The following TXNRD3 variants were observed in gnomAD, a reference collection of about 807,000 sequenced individuals.
TXNRD3 encodes the protein thioredoxin reductase 3, also known as TXNRD3 neighbor gene protein.
TXNRD3 carries 68 observed loss-of-function variants against 78.2 expected under a neutral mutation model. That is an observed-to-expected ratio of 0.87 (90% CI 0.72 to 1.06). TXNRD3 has a LOEUF of 1.06. Among genes scored for constraint, TXNRD3 ranks in the 50% least tolerant of loss-of-function variants. TXNRD3 has a pLI of 0.00. For synonymous variants in TXNRD3, 296 were observed against 300.1 expected (o/e 0.99, Z 0.14); for missense variants, 751 against 809.5 (o/e 0.93, Z 0.88).
chr3:126,631,270 T>C (rs1412582344), intron 8 of TXNRD3, among the ~76,000 whole-genome samples: 3 of 152,112 alleles, frequency 2.0e-5, no homozygotes, highest in Non-Finnish European at 4.4e-5. Flanking sequence ...TGTGTGTTTG[T>C]TTACCTGAAC....
At chr3:126,651,930 A>T (rs1933400916) in intron 1 of TXNRD3, among the ~76,000 whole-genome samples, 1 of 152,342 alleles carries the variant, frequency 6.6e-6, no homozygotes, top group East Asian at 1.9e-4. Context: ...CAGATTTCTT[A>T]AAAAAGACAC....
At chr3:126,651,245 GAA>G (rs1381731103) in intron 1 of TXNRD3, among the ~76,000 whole-genome samples, 1 of 152,188 alleles carries the variant, frequency 6.6e-6, no homozygotes, top group Non-Finnish European at 1.5e-5. Context: ...AGTCAAGCAA[GAA>G]AAACACTTGG....
chr3:126,644,381 T>C lies in TXNRD3; in HGVS notation c.435A>G (p.Leu145=), dbSNP rs1933180329. 3.9e-6 allele frequency: 6 copies of C among 1,535,966 alleles called. No individual in the cohort carries two copies. The highest frequency in any genetic ancestry group is 1.4e-5 in the African/African-American group (1 of 73,040). Residue 145 remains leucine (L), a synonymous_variant, in exon 4 of 16, where the codon TTA becomes TTG. Coordinates refer to ENST00000524230, the MANE Select transcript of TXNRD3 (RefSeq NM_052883.3). ...CCAAATCTTCCTGAAGGAGCTTCTG[T>C]AACAAACCACTCTGATATGCCTATG... is the stretch of plus-strand genomic sequence containing the variant.
intron 5 of TXNRD3, 21 bp downstream of exon 5, chr3:126,643,960 C>A (rs373607888): frequency 1.3e-5 from 20 of 1,532,134 alleles, no homozygotes; most frequent in Non-Finnish European, 1.7e-5. Context: ...CAGAGAGGAA[C>A]AACAGAGAAA....
At chr3:126,653,615 T>C (rs985205495) in intron 1 of TXNRD3, among the ~76,000 whole-genome samples, 1 of 152,232 alleles carries the variant, frequency 6.6e-6, no homozygotes, top group Non-Finnish European at 1.5e-5. Context: ...TAAATTGGTA[T>C]CACTACTTGG....
chr3:126,628,332 C>CATTTA (rs1337027889), intron 10 of TXNRD3, among the ~76,000 whole-genome samples: 1 of 151,840 alleles, frequency 6.6e-6, no homozygotes, highest in Non-Finnish European at 1.5e-5. Flanking sequence ...ACTGGAGGTC[C>CATTTA]TAACTAATGC....
chr3:126,628,723 T>C (rs1042507697), intron 10 of TXNRD3, among the ~76,000 whole-genome samples: 3 of 152,244 alleles, frequency 2.0e-5, no homozygotes, highest in Admixed American at 2.0e-4. Context: ...AGACTGAATA[T>C]TGCAAAGAAG....
intron 12 of TXNRD3, among the ~76,000 whole-genome samples, chr3:126,617,526 C>T (rs566719305): frequency 4.5e-4 from 68 of 152,318 alleles, no homozygotes; most frequent in African/African-American, 1.6e-3. Context: ...CAGAACATGG[C>T]ATTCCTCATG....
chr3:126,631,015 T>C (rs1415344648), intron 8 of TXNRD3, 78 bp from the exon 9 acceptor site: 1 of 1,335,646 alleles, frequency 7.5e-7, no homozygotes, highest in African/African-American at 1.5e-5. Flanking sequence ...TGTATAATGG[T>C]CTTGTGATGA....
intron 5 of TXNRD3, 102 bp downstream of exon 5, chr3:126,643,879 C>A (rs999262253): frequency 6.3e-6 from 7 of 1,116,784 alleles, no homozygotes; most frequent in African/African-American, 3.2e-5. Context: ...AAGAAACAGG[C>A]GAGTTATACC....
chr3:126,630,768 C>G lies in TXNRD3; in HGVS notation c.1141G>C (p.Gly381Arg), dbSNP rs1198882834. The G allele has an allele frequency of 5.2e-6, 8 of 1,534,402 alleles. No homozygotes were observed. Among genetic ancestry groups the G allele is most frequent in the Non-Finnish European group, 6.1e-6 (7 of 1,146,862 alleles). Reference sequence around the variant, plus strand: ...ACACCATGCTGCTCCATGTAGGAACCCACTTTTTCTGCCATTTCTTGGTCG... The same window carrying G: ...ACACCATGCTGCTCCATGTAGGAACGCACTTTTTCTGCCATTTCTTGGTCG... Residue 381 changes from glycine to arginine, a missense_variant, in exon 9 of 16, where the codon GGT (glycine) becomes CGT (arginine). By Grantham distance (125) the Gly-to-Arg change is moderately radical. Coordinates refer to ENST00000524230, the MANE Select transcript of TXNRD3 (RefSeq NM_052883.3).
intron 8 of TXNRD3, 92 bp downstream of exon 8, chr3:126,631,672 C>A: frequency 1.3e-6 from 1 of 781,834 alleles, no homozygotes; most frequent in East Asian, 2.7e-5. Flanking sequence ...TAATTCAAAT[C>A]TTTTGTGGAA....
intron 12 of TXNRD3, among the ~76,000 whole-genome samples, chr3:126,617,228 C>G (rs1437880089): frequency 6.6e-6 from 1 of 152,136 alleles, no homozygotes; most frequent in African/African-American, 2.4e-5. Context: ...CCGTCTTGAG[C>G]CTTTCATCTC....
At chr3:126,623,869 A>AAAAAAAAAAAAAAAAAAAAAT (rs1559773214) in intron 10 of TXNRD3, among the ~76,000 whole-genome samples, 1 of 151,452 alleles carries the variant, frequency 6.6e-6, no homozygotes, top group Non-Finnish European at 1.5e-5. Context: ...AAAAAAAAAA[A>AAAAAAAAAAAAAAAAAAAAAT]AGATTAAAAG....
chr3:126,607,662 G>A lies in TXNRD3; in HGVS notation c.*243C>T, dbSNP rs150970197. The A allele has an allele frequency of 2.7e-3, 915 of 337,782 alleles. 7 individuals are homozygous for A. Among genetic ancestry groups the A allele is most frequent in the African/African-American group, 0.013 (633 of 47,298 alleles). The allele number at this position is 337,782 out of a possible 1,614,324, so 20.9% of individuals were successfully genotyped here. On this transcript the variant is annotated 3_prime_UTR_variant, in exon 16 of 16. Coordinates refer to ENST00000524230, the MANE Select transcript of TXNRD3 (RefSeq NM_052883.3). ...CAGCCTTGGCTCACCTCATAACGGG[G>A]CTCCAAGCTAAGGCGTCAAGGAAGC...
At chr3:126,622,073 T>G (rs1013710443) in intron 11 of TXNRD3, among the ~76,000 whole-genome samples, 175 bp from the exon 12 acceptor site, 1 of 152,162 alleles carries the variant, frequency 6.6e-6, no homozygotes, top group Non-Finnish European at 1.5e-5. Context: ...TTTCTGTAGC[T>G]CCAAAAGAAA....
At chr3:126,642,233 A>C (rs1933108383) in intron 5 of TXNRD3, 82 bp from the exon 6 acceptor site, 3 of 1,420,238 alleles carry the variant, frequency 2.1e-6, no homozygotes, top group Non-Finnish European at 2.8e-6. Context: ...AAACATGTGG[A>C]AATGACAAGC....
intron 13 of TXNRD3, among the ~76,000 whole-genome samples, chr3:126,612,572 G>A (rs903528883): frequency 7.9e-5 from 12 of 151,912 alleles, no homozygotes; most frequent in African/African-American, 2.9e-4. Flanking sequence ...TCTGCCTCCC[G>A]GGTTCTCTTA....
intron 6 of TXNRD3, among the ~76,000 whole-genome samples, chr3:126,638,063 C>T (rs981418314): frequency 2.7e-5 from 4 of 150,486 alleles, no homozygotes; most frequent in African/African-American, 9.8e-5. Context: ...CTTGCCTCAA[C>T]CTCCCGAGTA....
Sources: allele counts gnomAD v4.1 joint callset (sites outside exome capture counted in the v4.1 genomes callset), GRCh38; gene constraint gnomAD v4.1.1; transcripts MANE v1.5; gene names NCBI Gene and HGNC (gene_info 2026-07-23, HGNC 2026-07-21).